Variants in SCIN observed in about 807,000 individuals in gnomAD.
SCIN encodes the protein scinderin, also known as adseverin.
SCIN carries 91 observed loss-of-function variants against 91.8 expected under a neutral mutation model. The observed-to-expected ratio is 0.99, with a 90% CI of 0.84 to 1.18. The LOEUF is 1.18. Among genes scored for constraint, SCIN ranks in the 50% most tolerant of loss-of-function variants. The pLI, the probability that SCIN is intolerant of heterozygous loss-of-function variation, is 0.00. For missense variants in SCIN, 1,087 were observed against 863.9 expected, an observed-to-expected ratio of 1.26 and a Z score of -3.24; for synonymous variants, 367 against 312.6, an observed-to-expected ratio of 1.17 and a Z score of -1.84.
intron 4 of SCIN, among the ~76,000 whole-genome samples, chr7:12,621,212 A>C (rs1271624931): frequency 1.3e-5 from 2 of 152,146 alleles, no homozygotes; most frequent in African/African-American, 4.8e-5. Context: ...TACCCCAGTG[A>C]CCTCAAATAT....
At position 12,653,355 on chromosome 7, in the gene SCIN, T is replaced by G. The variant is rs1381588559; in HGVS notation, c.*640T>G. ...AGGAAATTTTATAATGCATTAGCCA[T>G]TAGTCAGAGTTGTTTTTTAACATGC... On this transcript the variant is annotated 3_prime_UTR_variant, in exon 16 of 16. Coordinates refer to ENST00000297029, the MANE Select transcript of SCIN (RefSeq NM_001112706.3). The surrounding 1 kb of genome is among the most constrained non-coding windows in gnomAD (Gnocchi z 4.1). The G allele has an allele frequency of 6.6e-6, 1 of 152,186 alleles. No homozygotes were observed. Among genetic ancestry groups the G allele is most frequent in the Non-Finnish European group, 1.5e-5 (1 of 68,036 alleles). The allele number at this position is 152,186 out of a possible 1,614,324, so 9.4% of individuals were successfully genotyped here. A position where few individuals can be genotyped will look rare whatever the true frequency, so the allele number is the denominator to read the frequency against.
At chr7:12,650,461 T>C (rs1010951816) in intron 14 of SCIN, among the ~76,000 whole-genome samples, 3 of 152,366 alleles carry the variant, frequency 2.0e-5, no homozygotes, top group Admixed American at 2.0e-4. Flanking sequence ...TGGGTACTTT[T>C]TGGAAGATTT....
At chr7:12,578,400 T>C (rs1218343327) in intron 2 of SCIN, among the ~76,000 whole-genome samples, 182 bp downstream of exon 2, 2 of 152,226 alleles carry the variant, frequency 1.3e-5, no homozygotes, top group African/African-American at 4.8e-5. Flanking sequence ...AGGTGTTCAA[T>C]AAATGTTTGT....
intron 5 of SCIN, 54 bp from the exon 6 acceptor site, chr7:12,624,956 G>T: frequency 6.6e-7 from 1 of 1,521,298 alleles, no homozygotes; most frequent in Non-Finnish European, 8.9e-7. Flanking sequence ...TCTAATTATA[G>T]AACATCCTTA....
At chr7:12,615,057 G>T (rs958013393) in intron 4 of SCIN, among the ~76,000 whole-genome samples, 5 of 152,156 alleles carry the variant, frequency 3.3e-5, no homozygotes, top group African/African-American at 1.2e-4. Context: ...CACCCAAACT[G>T]TCTTTCTTAC....
At chr7:12,584,597 C>T (rs1467891118) in intron 3 of SCIN, among the ~76,000 whole-genome samples, 1 of 152,082 alleles carries the variant, frequency 6.6e-6, no homozygotes, top group African/African-American at 2.4e-5. Context: ...AAGTGAAGAA[C>T]ATCATCAATA....
intron 11 of SCIN, 60 bp from the exon 12 acceptor site, chr7:12,644,078 T>C (rs369631686): frequency 1.4e-6 from 2 of 1,457,438 alleles, no homozygotes; most frequent in Non-Finnish European, 9.4e-7. Flanking sequence ...TTCTGGGACA[T>C]GTTTATTGAG....
chr7:12,655,285 C>T lies in SCIN; in HGVS notation c.*2570C>T, dbSNP rs887313825. On this transcript the variant is annotated 3_prime_UTR_variant, in exon 16 of 16. Transcript: ENST00000297029. ...TTTTGATCCGCAGATGTAGAACCCA[C>T]AGATATGATAAATCAACTGTATCTA... is the stretch of plus-strand genomic sequence containing the variant. 2.6e-5 allele frequency: 4 copies of T among 152,104 alleles called. No individual in the cohort carries two copies. The highest frequency in any genetic ancestry group is 9.7e-5 in the African/African-American group (4 of 41,414). The allele number at this position is 152,104 out of a possible 1,614,324, so 9.4% of individuals were successfully genotyped here.
At chr7:12,634,223 C>T (rs868812265) in intron 9 of SCIN, among the ~76,000 whole-genome samples, 68 of 152,066 alleles carry the variant, frequency 4.5e-4, no homozygotes, top group African/African-American at 1.5e-3. Context: ...TGGTGGCTCA[C>T]GCCTGTAATC....
chr7:12,585,469 A>G (rs1366673163), intron 3 of SCIN, among the ~76,000 whole-genome samples: 3 of 152,144 alleles, frequency 2.0e-5, no homozygotes, highest in African/African-American at 7.2e-5. Flanking sequence ...ACTACTACCC[A>G]TGAGTCAATC....
intron 9 of SCIN, among the ~76,000 whole-genome samples, chr7:12,632,877 A>C (rs911093153): frequency 6.6e-6 from 1 of 152,178 alleles, no homozygotes; most frequent in Non-Finnish European, 1.5e-5. Context: ...AATGTTCAAC[A>C]TTTCCATCAT....
chr7:12,594,564 A>C (rs146306990), intron 3 of SCIN, among the ~76,000 whole-genome samples: 124 of 152,284 alleles, frequency 8.1e-4, no homozygotes, highest in Non-Finnish European at 1.6e-3. Flanking sequence ...GCAGTATTGC[A>C]GTAAAAGATA....
intron 13 of SCIN, 24 bp downstream of exon 13, chr7:12,644,729 G>C: frequency 6.5e-7 from 1 of 1,548,224 alleles, no homozygotes; most frequent in South Asian, 1.2e-5. Context: ...AAAATAGTGC[G>C]ATAGGGCTGG....
chr7:12,651,757 G>T lies in SCIN; in HGVS notation c.1960-84G>T. 3.7e-6 allele frequency: 3 copies of T among 800,400 alleles called. No homozygotes were observed. The highest frequency in any genetic ancestry group is 2.1e-6 in the Non-Finnish European group (1 of 486,358). 49.6% of individuals were successfully genotyped at this position (800,400 alleles called of 1,614,324 possible). ...ATATTGTGAAGATTGAATGAGCAAT[G>T]TGTGTGTGAAGCACTTTACATAGGG... On this transcript the variant is annotated intron_variant, in intron 14 of 15. Transcript: ENST00000297029. The surrounding 1 kb of genome is among the most constrained non-coding windows in gnomAD (Gnocchi z 5.9).
intron 3 of SCIN, among the ~76,000 whole-genome samples, chr7:12,602,945 A>C (rs1168663601): frequency 1.3e-5 from 2 of 152,186 alleles, no homozygotes. Flanking sequence ...GGCAGGCATA[A>C]GAAATTATAA....
chr7:12,620,073 C>T (rs143387967), intron 4 of SCIN, among the ~76,000 whole-genome samples: 43 of 151,656 alleles, frequency 2.8e-4, no homozygotes, highest in South Asian at 1.2e-3. Flanking sequence ...AAATGATAGA[C>T]ATATATGTAC....
rs1473382001 is a variant in SCIN at position 12,654,014 on chromosome 7, A to G, written c.*1299A>G. The G allele has an allele frequency of 6.6e-6, 1 of 152,108 alleles. No individual in the cohort carries two copies. The highest frequency in any genetic ancestry group is 1.5e-5 in the Non-Finnish European group (1 of 68,004). 9.4% of individuals were successfully genotyped at this position (152,108 alleles called of 1,614,324 possible). A position where few individuals can be genotyped will look rare whatever the true frequency, so the allele number is the denominator to read the frequency against. On this transcript the variant is annotated 3_prime_UTR_variant, in exon 16 of 16. Coordinates refer to ENST00000297029, the MANE Select transcript of SCIN (RefSeq NM_001112706.3). ...GCAGTTGCATTATCTACTAATCTATATAGGTCATTGAAAAAGAAGAAGCTA... is the reference window on the plus strand; with the variant it reads ...GCAGTTGCATTATCTACTAATCTATGTAGGTCATTGAAAAAGAAGAAGCTA...
rs1221506883 is a variant in SCIN at position 12,654,887 on chromosome 7, A to C, written c.*2172A>C. The stretch of plus-strand genomic sequence containing the variant: ...GTTTTAACCTGCCCAAAGGATGGAA[A>C]AAGAAGAACATAAGCATAATTTCTG... On this transcript the variant is annotated 3_prime_UTR_variant, in exon 16 of 16. Transcript: ENST00000297029. The C allele has an allele frequency of 5.9e-5, 9 of 152,214 alleles. No homozygotes were observed. 9.4% of individuals were successfully genotyped at this position (152,214 alleles called of 1,614,324 possible). A position where few individuals can be genotyped will look rare whatever the true frequency, so the allele number is the denominator to read the frequency against.
At chr7:12,598,893 G>A (rs1238321388) in intron 3 of SCIN, among the ~76,000 whole-genome samples, 1 of 151,774 alleles carries the variant, frequency 6.6e-6, no homozygotes, top group Non-Finnish European at 1.5e-5. Context: ...AGGTGACAAA[G>A]CCAGACTCTG....
Sources: allele counts gnomAD v4.1 joint callset (sites outside exome capture counted in the v4.1 genomes callset), GRCh38; gene constraint gnomAD v4.1.1; non-coding constraint Gnocchi (gnomAD v3.1); transcripts MANE v1.5; gene names NCBI Gene and HGNC (gene_info 2026-07-23, HGNC 2026-07-21).